SPATA21: variants seen among roughly 807,000 people sequenced by gnomAD.
SPATA21 encodes the protein spermatogenesis-associated protein 21.
Under a neutral mutation model 54.8 loss-of-function variants are expected in SPATA21, and 47 were observed. The ratio of observed to expected loss-of-function variants is 0.86; its 90% CI spans 0.68 to 1.09. The LOEUF (loss-of-function observed/expected upper bound fraction) is 1.09, where lower values mean the gene tolerates loss of function less well. SPATA21 is among the 50% of genes least tolerant of loss of function. SPATA21 has a pLI of 0.00. For synonymous variants in SPATA21, 245 were observed against 235.3 expected, an observed-to-expected ratio of 1.04 and a Z score of -0.38; for missense variants, 599 against 596.4, an observed-to-expected ratio of 1.00 and a Z score of -0.05.
intron 10 of SPATA21, among the ~76,000 whole-genome samples, chr1:16,403,186 G>C (rs1435537962): frequency 6.6e-6 from 1 of 152,110 alleles, no homozygotes; most frequent in Non-Finnish European, 1.5e-5. Flanking sequence ...TGTGTCTTCT[G>C]ACCCAGATAG....
chr1:16,424,200 C>T (rs2086252246), intron 3 of SPATA21, among the ~76,000 whole-genome samples: 2 of 139,460 alleles, frequency 1.4e-5, no homozygotes, highest in East Asian at 2.1e-4. Flanking sequence ...GTAATCCCAG[C>T]ACTTTGGGAG....
intron 5 of SPATA21, 53 bp from the exon 6 acceptor site, chr1:16,410,096 C>G: frequency 1.4e-6 from 2 of 1,404,586 alleles, no homozygotes; most frequent in Non-Finnish European, 1.9e-6. Context: ...GAGTGTCCCA[C>G]AAATCTCCTC....
chr1:16,427,036 C>T (rs1018369451), intron 3 of SPATA21, among the ~76,000 whole-genome samples: 4 of 152,012 alleles, frequency 2.6e-5, no homozygotes, highest in African/African-American at 9.7e-5. Flanking sequence ...TGTGTGGGCG[C>T]TTAAGGGGTT....
At position 16,409,719 on chromosome 1, in the gene SPATA21, G is replaced by C. The variant is rs142573478; in HGVS notation, c.469C>G (p.Pro157Ala). 7.1e-5 allele frequency: 114 copies of C among 1,612,280 alleles called. No individual in the cohort carries two copies. The African/African-American group carries it at 1.3e-3, about 18-fold the overall frequency. ...PGPEPAPMGAPVPTSMPCPVL... is the reference protein window; with the variant it reads ...PGPEPAPMGAAVPTSMPCPVL... ...GGGCAAGGCATGGAGGTGGGGACCG[G>C]GGCTCCCATGGGGGCAGGTTCTGGC... The change falls in exon 6 of 13, where the codon CCG (proline) becomes GCG (alanine). Residue 157 changes from proline to alanine, a missense_variant. Transcript: ENST00000335496. This position sits in a 1 kb window ranked among gnomAD's most constrained non-coding sequence, Gnocchi z 4.1.
chr1:16,427,879 G>T, intron 3 of SPATA21: 1 of 1,548,762 alleles, frequency 6.5e-7, no homozygotes, highest in Non-Finnish European at 8.7e-7. Context: ...TCTTGCTGGA[G>T]GCCCCTGCTC....
At chr1:16,429,903 G>A (rs1378232046) in intron 3 of SPATA21, among the ~76,000 whole-genome samples, 2 of 150,856 alleles carry the variant, frequency 1.3e-5, no homozygotes, top group African/African-American at 2.4e-5. Flanking sequence ...AGTGGCTCAC[G>A]CCTGTAATCC....
intron 3 of SPATA21, among the ~76,000 whole-genome samples, chr1:16,424,226 TGG>T (rs1414684263): frequency 2.3e-4 from 22 of 97,322 alleles, no homozygotes; most frequent in South Asian, 3.9e-4. Context: ...GGCAGGAGAA[TGG>T]CATGAACCTG....
At position 16,400,722 on chromosome 1, in the gene SPATA21, T is replaced by C. The variant is rs1304491330; in HGVS notation, c.1172A>G (p.Tyr391Cys). The change falls in exon 11 of 13, where the codon TAT (tyrosine) becomes TGT (cysteine). Residue 391 changes from tyrosine (Y) to cysteine (C), a missense_variant and splice_region_variant. Transcript: ENST00000335496. ...SILSRLKQQNYAPNLQSPYAQ... is the reference protein window; with the variant it reads ...SILSRLKQQNCAPNLQSPYAQ... ...CCCACCCTGCCCAGGGCCCTCACCA[T>C]AGTTCTGCTGCTTCAGCCGGCTCAG... 2 of 1,524,036 alleles carry C rather than the reference T, an allele frequency of 1.3e-6. No individual in the cohort carries two copies. The highest frequency in any genetic ancestry group is 2.8e-5 in the African/African-American group (2 of 72,102). 94.4% of individuals were successfully genotyped at this position (1,524,036 alleles called of 1,614,324 possible). A position where few individuals can be genotyped will look rare whatever the true frequency, so the allele number is the denominator to read the frequency against.
At chr1:16,426,222 T>C (rs1021197465) in intron 3 of SPATA21, among the ~76,000 whole-genome samples, 1 of 152,010 alleles carries the variant, frequency 6.6e-6, no homozygotes, top group Non-Finnish European at 1.5e-5. Flanking sequence ...TCTGGAGTAT[T>C]TCCTCCAAGC....
chr1:16,429,458 A>ATTTG (rs202055501), intron 3 of SPATA21, among the ~76,000 whole-genome samples: 3,043 of 150,860 alleles, frequency 0.02, 110 homozygotes, highest in African/African-American at 0.071. Context: ...ATTGTATTTT[A>ATTTG]TTTATTTGTT....
intron 2 of SPATA21, among the ~76,000 whole-genome samples, chr1:16,432,117 T>C (rs113351377): frequency 1.2e-3 from 178 of 144,940 alleles, no homozygotes; most frequent in Middle Eastern, 3.4e-3. Context: ...TCTTCTTCTT[T>C]TTTTTTTTTT....
At chr1:16,410,855 T>C (rs1459292077) in intron 5 of SPATA21, 2 of 391,226 alleles carry the variant, frequency 5.1e-6, no homozygotes, top group African/African-American at 4.2e-5. Context: ...TGAGCCATGG[T>C]CTTGAGTGAG....
Position 16,400,903 on chromosome 1 carries a change from A to G in SPATA21, c.1002-11T>C. 1 of 1,610,202 alleles carries G rather than the reference A, an allele frequency of 6.2e-7. No individual in the cohort carries two copies. The stretch of plus-strand genomic sequence containing the variant: ...TTTTTCTGGTAGTAGCTGGGGAGGC[A>G]GTGCCCACCCATCTCAGCCTGGCTG... On this transcript the variant is annotated splice_polypyrimidine_tract_variant and intron_variant, in intron 10 of 12. Coordinates refer to ENST00000335496, the MANE Select transcript of SPATA21 (RefSeq NM_198546.1).
chr1:16,412,690 T>A (rs1180703898), intron 5 of SPATA21, among the ~76,000 whole-genome samples: 2 of 152,238 alleles, frequency 1.3e-5, no homozygotes, highest in Non-Finnish European at 2.9e-5. Context: ...CTCGAACTCC[T>A]GACCTCAGGT....
At chr1:16,398,640 G>C, downstream of SPATA21, 1 of 1,065,568 alleles carries the variant, frequency 9.4e-7, no homozygotes, top group Non-Finnish European at 1.4e-6. Context: ...GAGGCACAGA[G>C]GCTGAAGTTA....
At chr1:16,419,356 G>A (rs1276525718) in intron 5 of SPATA21, among the ~76,000 whole-genome samples, 2 of 152,186 alleles carry the variant, frequency 1.3e-5, no homozygotes, top group Non-Finnish European at 2.9e-5. Context: ...CTTATTCTAA[G>A]AAGATGAGGC....
At chr1:16,410,414 C>CTT (rs1169721957) in intron 5 of SPATA21, among the ~76,000 whole-genome samples, 68 of 139,156 alleles carry the variant, frequency 4.9e-4, no homozygotes, top group African/African-American at 1.6e-3. Flanking sequence ...CCCAGCTAAT[C>CTT]TTTTTTTTTT....
chr1:16,422,708 A>G (rs2086206705), intron 3 of SPATA21, among the ~76,000 whole-genome samples: 1 of 151,938 alleles, frequency 6.6e-6, no homozygotes, highest in East Asian at 1.9e-4. Flanking sequence ...AGGTCTCACT[A>G]TGTTGCTCAG....
chr1:16,425,404 C>T, intron 3 of SPATA21: 1 of 1,173,264 alleles, frequency 8.5e-7, no homozygotes, highest in Admixed American at 2.1e-5. Context: ...GCCTCAGCCT[C>T]CCAAGTAGCT....
Sources: allele counts gnomAD v4.1 joint callset (sites outside exome capture counted in the v4.1 genomes callset), GRCh38; gene constraint gnomAD v4.1.1; non-coding constraint Gnocchi (gnomAD v3.1); transcripts MANE v1.5; gene names NCBI Gene and HGNC (gene_info 2026-07-23, HGNC 2026-07-21).